STAT5B: variants seen among roughly 807,000 people sequenced by gnomAD.
STAT5B encodes the protein transcription factor STAT5B.
STAT5B carries 21 observed loss-of-function variants against 107.8 expected under a neutral mutation model. That is an observed-to-expected ratio of 0.19 (90% CI 0.14 to 0.28). STAT5B has a LOEUF of 0.28. Among genes scored for constraint, STAT5B ranks in the 10% least tolerant of loss-of-function variants. STAT5B has a pLI of 1.00. For synonymous variants in STAT5B, 325 were observed against 401.7 expected (o/e 0.81, Z 2.28); for missense variants, 565 against 1,008.2 (o/e 0.56, Z 5.95).
At chr17:42,215,668 G>A (rs1352933042) in intron 12 of STAT5B, among the ~76,000 whole-genome samples, 2 of 152,070 alleles carry the variant, frequency 1.3e-5, no homozygotes, top group Non-Finnish European at 1.5e-5. Flanking sequence ...ACCCAGGCTG[G>A]AGTGCAGTGG....
intron 1 of STAT5B, among the ~76,000 whole-genome samples, chr17:42,248,935 A>G (rs1167123560): frequency 6.6e-6 from 1 of 152,262 alleles, no homozygotes; most frequent in African/African-American, 2.4e-5. Flanking sequence ...GAATCTACAC[A>G]ATGTCAGTGT....
At chr17:42,255,045 C>T (rs561536384) in intron 1 of STAT5B, among the ~76,000 whole-genome samples, 1 of 152,104 alleles carries the variant, frequency 6.6e-6, no homozygotes, top group East Asian at 1.9e-4. Context: ...GAGCCGAGAT[C>T]GTGCCACTGC....
the STAT5B span, among the ~76,000 whole-genome samples, chr17:42,284,566 C>T: frequency 1.3e-5 from 2 of 152,186 alleles, no homozygotes; most frequent in Non-Finnish European, 2.9e-5. Context: ...CATGCCCGGC[C>T]CTTTGGGATA....
chr17:42,203,705 C>A (rs1225469045), intron 16 of STAT5B, among the ~76,000 whole-genome samples: 1 of 152,146 alleles, frequency 6.6e-6, no homozygotes, highest in Non-Finnish European at 1.5e-5. Context: ...CAGCTCACTG[C>A]AACCTCTGCC....
chr17:42,285,993 G>A, the STAT5B span, among the ~76,000 whole-genome samples: 8 of 152,244 alleles, frequency 5.3e-5, no homozygotes, highest in East Asian at 1.5e-3. Context: ...GCCGAGGCGG[G>A]TGGATCACCT....
Position 42,212,182 on chromosome 17 carries a change from C to T in STAT5B, c.1482G>A (p.Val494=). The T allele has an allele frequency of 6.2e-7, 1 of 1,614,230 alleles. No homozygotes were observed. Among genetic ancestry groups the T allele is most frequent in the Non-Finnish European group, 8.5e-7 (1 of 1,180,040 alleles). Reference sequence around the variant, plus strand: ...GCACTTTGTCAGGCACGGCAAATGGCACCCTGCCCTGAGAGGGAGAGAGGC... The same window carrying T: ...GCACTTTGTCAGGCACGGCAAATGGTACCCTGCCCTGAGAGGGAGAGAGGC... ...WDNAFAEPGR[V]PFAVPDKVLW... The change falls in exon 13 of 19, where the codon GTG becomes GTA. Residue 494 remains valine (V), a synonymous_variant. Coordinates refer to ENST00000293328, the MANE Select transcript of STAT5B (RefSeq NM_012448.4).
Position 42,223,366 on chromosome 17 carries a change from C to G in STAT5B, c.550+16G>C. 2 of 1,614,128 alleles carry G rather than the reference C, an allele frequency of 1.2e-6. No homozygotes were observed. The highest frequency in any genetic ancestry group is 1.7e-6 in the Non-Finnish European group (2 of 1,180,032). On this transcript the variant is annotated intron_variant, in intron 5 of 18. Transcript: ENST00000293328. ...CCAATCCTCAAGTTGCACAATGTGC[C>G]TCCACCGCGCCTCACCTTGGATCCT... is the stretch of plus-strand genomic sequence containing the variant.
chr17:42,244,273 T>A (rs1166300452), intron 1 of STAT5B, among the ~76,000 whole-genome samples: 2 of 149,720 alleles, frequency 1.3e-5, no homozygotes, highest in Non-Finnish European at 3.0e-5. Context: ...TTTTTTTTTT[T>A]AGAGATGGGG....
intron 1 of STAT5B, among the ~76,000 whole-genome samples, chr17:42,258,314 C>T (rs1399528929): frequency 6.6e-6 from 1 of 152,190 alleles, no homozygotes; most frequent in Non-Finnish European, 1.5e-5. Flanking sequence ...AGATGTCAGG[C>T]AATATCCAAA....
At chr17:42,270,081 A>T (rs560768281) in intron 1 of STAT5B, among the ~76,000 whole-genome samples, 2 of 152,246 alleles carry the variant, frequency 1.3e-5, no homozygotes, top group East Asian at 3.9e-4. Flanking sequence ...ATGGTGGCAC[A>T]TGCCTGTAGT....
chr17:42,279,717 C>T (rs2080787843), upstream of STAT5B, among the ~76,000 whole-genome samples: 1 of 151,758 alleles, frequency 6.6e-6, no homozygotes, highest in South Asian at 2.1e-4. Context: ...AGGAGAATCA[C>T]TTGAAACTGG....
intron 3 of STAT5B, 111 bp from the exon 4 acceptor site, chr17:42,224,979 T>C (rs2080260973): frequency 2.0e-6 from 2 of 996,658 alleles, no homozygotes; most frequent in East Asian, 2.6e-5. Context: ...CAGGAGGCAC[T>C]GTTCCTCCAA....
At position 42,209,032 on chromosome 17, in the gene STAT5B, CTT is replaced by C. The variant is rs112426873; in HGVS notation, c.1906+1137_1906+1138del. ...ACAGGCGTGAGCCACCGCACCCAGC[CTT>C]TTTTTTTTTTTCTTTTAAGAGACAG... On this transcript the variant is annotated intron_variant, in intron 15 of 18. Coordinates refer to ENST00000293328, the MANE Select transcript of STAT5B (RefSeq NM_012448.4). Among the ~76,000 whole-genome samples the C allele has an allele frequency of 1.2e-4, 16 of 135,798 alleles. 1 individual carries two copies. Among genetic ancestry groups the C allele is most frequent in the South Asian group, 7.1e-4 (3 of 4,244 alleles). The allele number at this position is 135,798 out of a possible 152,430, so 89.1% of individuals were successfully genotyped here.
intron 2 of STAT5B, among the ~76,000 whole-genome samples, chr17:42,229,874 AAAG>A (rs1321504815): frequency 6.6e-6 from 1 of 152,128 alleles, no homozygotes; most frequent in Non-Finnish European, 1.5e-5. Flanking sequence ...CAAAAAAAAA[AAAG>A]AATTGAAAAT....
chr17:42,233,917 G>A (rs568274644), intron 1 of STAT5B: 8 of 152,266 alleles, frequency 5.3e-5, no homozygotes, highest in African/African-American at 1.9e-4. Flanking sequence ...AGTTTAACCA[G>A]ATTAGGGCAG....
the STAT5B span, among the ~76,000 whole-genome samples, chr17:42,283,378 C>G: frequency 6.6e-6 from 1 of 152,188 alleles, no homozygotes; most frequent in African/African-American, 2.4e-5. Context: ...TCCTGCCCAC[C>G]TGACTGGCTG....
chr17:42,218,770 G>A lies in STAT5B; in HGVS notation c.942C>T (p.Ala314=), dbSNP rs752128975. 3 of 1,612,722 alleles carry A rather than the reference G, an allele frequency of 1.9e-6. No individual in the cohort carries two copies. The highest frequency in any genetic ancestry group is 2.5e-6 in the Non-Finnish European group (3 of 1,179,370). Residue 314 remains alanine (A), a synonymous_variant, in exon 8 of 19, where the codon GCC becomes GCT. Coordinates refer to ENST00000293328, the MANE Select transcript of STAT5B (RefSeq NM_012448.4). ...PIPGPVEEML[A]EVNATITDII... ...TGTCCGTGATGGTGGCGTTGACCTC[G>A]GCCAGCATCTCCTCCACTGGGCCGG...
chr17:42,204,942 C>T (rs1421312359), intron 16 of STAT5B, among the ~76,000 whole-genome samples: 3 of 152,030 alleles, frequency 2.0e-5, no homozygotes, highest in Admixed American at 6.6e-5. Context: ...AAATAACCAA[C>T]ATGTAACTCA....
intron 12 of STAT5B, among the ~76,000 whole-genome samples, chr17:42,215,470 G>C (rs1178956664): frequency 6.6e-6 from 1 of 152,190 alleles, no homozygotes; most frequent in Non-Finnish European, 1.5e-5. Flanking sequence ...GGCTCAGAGA[G>C]GTAAAGTGAA....
Sources: allele counts gnomAD v4.1 joint callset (sites outside exome capture counted in the v4.1 genomes callset), GRCh38; gene constraint gnomAD v4.1.1; transcripts MANE v1.5; gene names NCBI Gene and HGNC (gene_info 2026-07-23, HGNC 2026-07-21).